The following H2BC4 variants were observed in gnomAD, a reference collection of about 807,000 sequenced individuals.
The protein encoded by H2BC4 is H2B clustered histone 4, also known as histone H2B type 1-C/E/F/G/I.
A neutral mutation model predicts 6.2 loss-of-function variants in H2BC4; 10 were observed. The ratio of observed to expected loss-of-function variants is 1.61; its 90% CI spans 0.99 to 2.73. H2BC4 has a LOEUF of 2.73. Ranked by LOEUF, H2BC4 falls within the 30% of genes most tolerant of loss-of-function variation. The pLI, the probability that H2BC4 is intolerant of heterozygous loss-of-function variation, is 0.00. For synonymous variants in H2BC4, 146 were observed against 70.7 expected (o/e 2.07, Z -5.35); for missense variants, 176 against 168.7 (o/e 1.04, Z -0.24).
downstream of H2BC4, among the ~76,000 whole-genome samples, chr6:26,122,429 G>A (rs1763512626): frequency 6.6e-6 from 1 of 152,170 alleles, no homozygotes; most frequent in African/African-American, 2.4e-5. Context: ...GGTAGACTAC[G>A]TCTAACCCTT....
Position 26,123,758 on chromosome 6 carries a change from G to A in H2BC4, c.147C>T (p.Val49=), listed in dbSNP as rs1409067459. The part of the protein sequence containing the change: ...SVYVYKVLKQ[V]HPDTGISSKA... ...TGGAAGAGATGCCAGTGTCGGGATG[G>A]ACCTGTTTCAGCACCTTGTACACGT... Residue 49 remains valine, a synonymous_variant, in exon 1 of 1, where the codon GTC becomes GTT. Transcript: ENST00000396984. 6.2e-6 allele frequency: 10 copies of A among 1,614,138 alleles called. No homozygotes were observed. Among genetic ancestry groups the A allele is most frequent in the African/African-American group, 2.7e-5 (2 of 74,950 alleles).
chr6:26,123,442 G>A (rs1456132505), downstream of H2BC4: 11 of 1,573,512 alleles, frequency 7.0e-6, no homozygotes, highest in Non-Finnish European at 9.5e-6. Context: ...TTTGGCGTCT[G>A]GCCACAGCTC....
At chr6:26,120,835 A>G (rs1763488311), downstream of H2BC4, among the ~76,000 whole-genome samples, 1 of 152,198 alleles carries the variant, frequency 6.6e-6, no homozygotes, top group South Asian at 2.1e-4. Flanking sequence ...AACCTTACTT[A>G]AAGAACGTGA....
Position 26,123,467 on chromosome 6 carries a change from T to G in H2BC4, c.*57A>C. On this transcript the variant is annotated 3_prime_UTR_variant, in exon 1 of 1. Transcript: ENST00000396984. ...GGCCACAGCTCTTTTAGTGGGTATC[T>G]GGGTGGCTCTTAAAAGAGCCTTTGG... The G allele has an allele frequency of 6.2e-7, 1 of 1,607,126 alleles. No homozygotes were observed.
At chr6:26,117,257 G>T (rs114373189) in intron 1 of H2BC4, among the ~76,000 whole-genome samples, 1,752 of 152,246 alleles carry the variant, frequency 0.012, 30 homozygotes, top group African/African-American at 0.038. Flanking sequence ...GCTGCTTCAA[G>T]TCCTTTTAGG....
chr6:26,118,636 G>C (rs1355288244), downstream of H2BC4, among the ~76,000 whole-genome samples: 1 of 152,184 alleles, frequency 6.6e-6, no homozygotes, highest in East Asian at 1.9e-4. Flanking sequence ...ACAGGTAAAA[G>C]AAGGAAGAAG....
downstream of H2BC4, among the ~76,000 whole-genome samples, chr6:26,121,636 C>T (rs907239427): frequency 5.9e-5 from 9 of 151,594 alleles, no homozygotes; most frequent in East Asian, 1.9e-4. Context: ...GGGGAAAAGG[C>T]GGGGAAAGAA....
At chr6:26,121,776 C>T (rs1256902989), downstream of H2BC4, among the ~76,000 whole-genome samples, 2 of 151,576 alleles carry the variant, frequency 1.3e-5, no homozygotes, top group Admixed American at 6.6e-5. Flanking sequence ...CATTTAGGCC[C>T]GGCGCGGTGG....
downstream of H2BC4, among the ~76,000 whole-genome samples, chr6:26,119,482 T>C (rs1763470776): frequency 6.6e-6 from 1 of 152,196 alleles, no homozygotes; most frequent in Admixed American, 6.5e-5. Context: ...CACTGTGAAC[T>C]CAGTACTTAA....
chr6:26,115,182 G>C (rs1383761956), intron 1 of H2BC4: 5 of 152,208 alleles, frequency 3.3e-5, no homozygotes, highest in Non-Finnish European at 7.3e-5. Context: ...TAATTTATCA[G>C]ATATGAGATA....
downstream of H2BC4, among the ~76,000 whole-genome samples, chr6:26,122,784 G>A (rs1174328008): frequency 6.6e-6 from 1 of 152,306 alleles, no homozygotes; most frequent in East Asian, 1.9e-4. Context: ...TGAGCACTGG[G>A]ATTCAAGCAA....
At chr6:26,118,984 G>C (rs1018025860), downstream of H2BC4, among the ~76,000 whole-genome samples, 1 of 151,856 alleles carries the variant, frequency 6.6e-6, no homozygotes, top group African/African-American at 2.4e-5. Flanking sequence ...ACAATCCATA[G>C]TAAATTGAAT....
chr6:26,118,764 C>G (rs116594669), downstream of H2BC4, among the ~76,000 whole-genome samples: 1,263 of 152,232 alleles, frequency 8.3e-3, 10 homozygotes, highest in Non-Finnish European at 0.013. Flanking sequence ...TAGTGTATTT[C>G]TCAGTGAGAT....
At position 26,117,110 on chromosome 6, in the gene H2BC4, G is replaced by GA. The variant is rs201807651; in HGVS notation, c.*10-1976dup. 4.2e-4 allele frequency among the ~76,000 whole-genome samples: 64 copies of GA among 151,944 alleles called. No individual in the cohort carries two copies. The East Asian group carries it at 0.011, about 27-fold the overall frequency. On this transcript the variant is annotated intron_variant, in intron 1 of 1. Transcript: ENST00000314332. ...AGAGAGCTAATTTCATATGTTCAGG[G>GA]AAAAAAAGTGTATTTTTTCTCAACC... is the stretch of plus-strand genomic sequence containing the variant.
chr6:26,122,669 TAA>T (rs1185910620), downstream of H2BC4, among the ~76,000 whole-genome samples: 2 of 152,212 alleles, frequency 1.3e-5, no homozygotes, highest in African/African-American at 4.8e-5. Flanking sequence ...ACCCAGCAGT[TAA>T]GAGTTGGCTT....
chr6:26,123,907 TA>T lies in H2BC4; in HGVS notation c.-4del. On this transcript the variant is annotated 5_prime_UTR_variant, in exon 1 of 1. Transcript: ENST00000396984. ...GCAGACTTGGCTGGCTCAGGCATCTTAAAACACCAGAAATGTGTCGAAAGTA... is the reference window on the plus strand; with the variant it reads ...GCAGACTTGGCTGGCTCAGGCATCTTAAACACCAGAAATGTGTCGAAAGTA... The T allele has an allele frequency of 6.2e-7, 1 of 1,612,870 alleles. No individual in the cohort carries two copies. Among genetic ancestry groups the T allele is most frequent in the Non-Finnish European group, 8.5e-7 (1 of 1,179,744 alleles).
chr6:26,116,370 C>A (rs570543499), intron 1 of H2BC4, among the ~76,000 whole-genome samples: 1 of 152,200 alleles, frequency 6.6e-6, no homozygotes, highest in East Asian at 1.9e-4. Context: ...ACCAAAGTCC[C>A]ATTATTATTA....
chr6:26,123,662 C>G lies in H2BC4; in HGVS notation c.243G>C (p.Leu81=). The part of the protein sequence containing the change: ...FERIAGEASR[L]AHYNKRSTIT... ...TGGTCGAGCGCTTGTTGTAATGCGC[C>G]AGGCGGGAAGCCTCGCCCGCGATGC... The change falls in exon 1 of 1, where the codon CTG becomes CTC. Residue 81 remains leucine, a synonymous_variant. Coordinates refer to ENST00000396984, the MANE Select transcript of H2BC4 (RefSeq NM_003526.3). 6.2e-7 allele frequency: 1 copy of G among 1,614,282 alleles called. No homozygotes were observed. Among genetic ancestry groups the G allele is most frequent in the South Asian group, 1.1e-5 (1 of 91,090 alleles).
chr6:26,122,136 G>T (rs1763506363), downstream of H2BC4, among the ~76,000 whole-genome samples: 1 of 151,838 alleles, frequency 6.6e-6, no homozygotes, highest in Non-Finnish European at 1.5e-5. Context: ...TCTCAGATAA[G>T]TTATCTAGGC....
Sources: allele counts gnomAD v4.1 joint callset (sites outside exome capture counted in the v4.1 genomes callset), GRCh38; gene constraint gnomAD v4.1.1; transcripts MANE v1.5; gene names NCBI Gene and HGNC (gene_info 2026-07-23, HGNC 2026-07-21).